ADAMTSL1: variants seen among roughly 807,000 people sequenced by gnomAD.
The protein encoded by ADAMTSL1 is ADAMTS like 1, also known as ADAMTS-like protein 1.
Under a neutral mutation model 201.8 loss-of-function variants are expected in ADAMTSL1, and 126 were observed. The observed-to-expected ratio is 0.62, with a 90% CI of 0.54 to 0.72. The LOEUF is 0.72. Among genes scored for constraint, ADAMTSL1 ranks in the 30% least tolerant of loss-of-function variants. ADAMTSL1 has a pLI of 0.00. For synonymous variants in ADAMTSL1, 1,121 were observed against 903.4 expected (o/e 1.24, Z -4.32); for missense variants, 2,679 against 2,277.8 (o/e 1.18, Z -3.59).
Position 18,716,326 on chromosome 9 carries a change from G to A in ADAMTSL1, c.1877-5210G>A, listed in dbSNP as rs922671279. ...ACCTACAAAATGGGAGAAAATTTTC[G>A]CAACCTACTCATCTGACAAAGGGCT... On this transcript the variant is annotated intron_variant, in intron 14 of 28. Transcript: ENST00000380548. Among the ~76,000 whole-genome samples, 217 of 151,422 alleles carry A rather than the reference G, an allele frequency of 1.4e-3. 1 individual carries two copies. The highest frequency in any genetic ancestry group is 4.3e-3 in the African/African-American group (177 of 41,382).
rs1012352930 is a variant in ADAMTSL1 at position 18,844,827 on chromosome 9, T to C, written c.4249+14850T>C. On this transcript the variant is annotated intron_variant, in intron 23 of 28. Transcript: ENST00000380548. ...AGCAATCAGCAAGACTCTGTGGGCA[T>C]AGGACCCTCCGAGCCATGTGCGGGA... is the stretch of plus-strand genomic sequence containing the variant. 2.6e-5 allele frequency among the ~76,000 whole-genome samples: 4 copies of C among 152,226 alleles called. No individual in the cohort carries two copies. The South Asian group carries it at 8.3e-4, about 32-fold the overall frequency.
chr9:18,682,370 C>G (rs1385844012), intron 12 of ADAMTSL1, among the ~76,000 whole-genome samples: 1 of 152,128 alleles, frequency 6.6e-6, no homozygotes, highest in Non-Finnish European at 1.5e-5. Context: ...AAGTCTCATA[C>G]TTCAAACTGA....
intron 20 of ADAMTSL1, among the ~76,000 whole-genome samples, chr9:18,799,347 T>C (rs907283410): frequency 1.2e-4 from 18 of 152,356 alleles, no homozygotes; most frequent in African/African-American, 4.3e-4. Context: ...AGAATCATCT[T>C]GGCTGTTAAA....
At chr9:18,734,299 T>C (rs1263844937) in intron 15 of ADAMTSL1, among the ~76,000 whole-genome samples, 1 of 152,168 alleles carries the variant, frequency 6.6e-6, no homozygotes, top group Non-Finnish European at 1.5e-5. Flanking sequence ...AGGTGATCTG[T>C]GTGTACTTTA....
chr9:18,062,209 A>G (rs748731510), intron 1 of ADAMTSL1, among the ~76,000 whole-genome samples: 3 of 152,214 alleles, frequency 2.0e-5, no homozygotes, highest in Non-Finnish European at 4.4e-5. Context: ...CAGGTTTACA[A>G]CCTTTTCTTC....
At position 18,534,496 on chromosome 9, in the gene ADAMTSL1, G is replaced by A. The variant is rs117233065; in HGVS notation, c.237+1204G>A. ...TGAAATTAGAGTGATAAGTTGAAGC[G>A]GGAATAAAGGAAACAAAGAGGTATA... On this transcript the variant is annotated intron_variant, in intron 3 of 28. Transcript: ENST00000380548. Among the ~76,000 whole-genome samples, 936 of 152,228 alleles carry A rather than the reference G, an allele frequency of 6.1e-3. 10 individuals carry two copies. Among genetic ancestry groups the A allele is most frequent in the East Asian group, 0.042 (219 of 5,186 alleles).
chr9:18,379,917 C>G (rs922088731), intron 2 of ADAMTSL1, among the ~76,000 whole-genome samples: 1 of 152,188 alleles, frequency 6.6e-6, no homozygotes, highest in Non-Finnish European at 1.5e-5. Flanking sequence ...TTCATTAAAG[C>G]CCCCCTTCCT....
At chr9:18,894,482 A>G (rs1048465392) in intron 26 of ADAMTSL1, among the ~76,000 whole-genome samples, 2 of 152,016 alleles carry the variant, frequency 1.3e-5, no homozygotes, top group African/African-American at 4.8e-5. Context: ...AGCAGTACCA[A>G]TGGAGAGGAA....
intron 1 of ADAMTSL1, among the ~76,000 whole-genome samples, chr9:18,099,252 T>G (rs549766460): frequency 6.8e-6 from 1 of 147,446 alleles, no homozygotes; most frequent in East Asian, 2.0e-4. Context: ...GTGTTGCTCC[T>G]GAAAAATCTG....
chr9:18,244,990 A>G (rs1233508936), intron 2 of ADAMTSL1, among the ~76,000 whole-genome samples: 1 of 152,142 alleles, frequency 6.6e-6, no homozygotes, highest in Non-Finnish European at 1.5e-5. Flanking sequence ...AATGCTGTGT[A>G]TTACTTTTTA....
intron 3 of ADAMTSL1, 55 bp downstream of exon 3, chr9:18,533,347 G>A: frequency 6.7e-7 from 1 of 1,499,926 alleles, no homozygotes; most frequent in Non-Finnish European, 9.1e-7. Context: ...ACTGAATGGT[G>A]CTAAGCAGTT....
chr9:18,896,969 G>C (rs1277140960), intron 26 of ADAMTSL1, among the ~76,000 whole-genome samples: 7 of 152,176 alleles, frequency 4.6e-5, no homozygotes, highest in African/African-American at 1.4e-4. Context: ...CATCAGGCTG[G>C]AGACTGCCTG....
chr9:18,240,452 C>A (rs1430084907), intron 2 of ADAMTSL1, among the ~76,000 whole-genome samples: 2 of 151,620 alleles, frequency 1.3e-5, no homozygotes, highest in Non-Finnish European at 2.9e-5. Context: ...ATTTATAGAG[C>A]ACAGGCAGAG....
At chr9:18,560,892 C>G (rs940353311) in intron 3 of ADAMTSL1, among the ~76,000 whole-genome samples, 2 of 151,172 alleles carry the variant, frequency 1.3e-5, no homozygotes, top group Admixed American at 6.6e-5. Context: ...TGATTCTTCT[C>G]TCTTTTTTTC....
intron 23 of ADAMTSL1, among the ~76,000 whole-genome samples, chr9:18,870,448 C>T (rs201942498): frequency 6.6e-6 from 1 of 152,318 alleles, no homozygotes; most frequent in East Asian, 1.9e-4. Context: ...CTGCTCTGTT[C>T]TTTTAGCTTC....
At chr9:18,050,500 G>T (rs1226714333) in intron 1 of ADAMTSL1, among the ~76,000 whole-genome samples, 1 of 152,052 alleles carries the variant, frequency 6.6e-6, no homozygotes, top group African/African-American at 2.4e-5. Flanking sequence ...CTCTAAATTG[G>T]TCCAGCTGCT....
chr9:18,542,476 T>A (rs559546438), intron 3 of ADAMTSL1, among the ~76,000 whole-genome samples: 1 of 152,272 alleles, frequency 6.6e-6, no homozygotes, highest in South Asian at 2.1e-4. Flanking sequence ...TCTTTAAAGA[T>A]GTAATTAAGT....
intron 4 of ADAMTSL1, among the ~76,000 whole-genome samples, chr9:18,594,043 G>A (rs929664764): frequency 2.0e-5 from 3 of 151,720 alleles, no homozygotes. Flanking sequence ...TTTTTTTGTT[G>A]TTTTGAGTTT....
intron 1 of ADAMTSL1, among the ~76,000 whole-genome samples, chr9:18,131,491 A>G (rs1338137607): frequency 1.3e-5 from 2 of 152,180 alleles, no homozygotes; most frequent in Non-Finnish European, 2.9e-5. Flanking sequence ...TGATGAGGGC[A>G]TCAGATAATG....
Sources: allele counts gnomAD v4.1 joint callset (sites outside exome capture counted in the v4.1 genomes callset), GRCh38; gene constraint gnomAD v4.1.1; transcripts MANE v1.5; gene names NCBI Gene and HGNC (gene_info 2026-07-23, HGNC 2026-07-21).